The following TBX15 variants were observed in gnomAD, a reference collection of about 807,000 sequenced individuals.
TBX15 encodes T-box transcription factor TBX15.
In TBX15, 18 loss-of-function variants were observed where a neutral mutation model predicts 53.9. The observed-to-expected ratio is 0.33, with a 90% confidence interval of 0.23 to 0.49. The LOEUF is 0.49. Ranked by LOEUF, TBX15 falls within the 20% of genes least tolerant of loss-of-function variation. The probability of loss-of-function intolerance (pLI) is 0.98; values close to 1 mark genes in which losing one functional copy is unlikely to be tolerated. For synonymous variants in TBX15, 295 were observed against 278.0 expected (o/e 1.06, Z -0.61); for missense variants, 692 against 749.5 (o/e 0.92, Z 0.90).
chr1:118,983,265 C>T (rs1657704792), intron 1 of TBX15, among the ~76,000 whole-genome samples: 1 of 152,212 alleles, frequency 6.6e-6, no homozygotes, highest in South Asian at 2.1e-4. Flanking sequence ...TTTTCCCATT[C>T]TCTGAACTTC....
chr1:118,924,763 C>A lies in TBX15; in HGVS notation c.576G>T (p.Val192=), dbSNP rs774248393. 1.2e-5 allele frequency: 19 copies of A among 1,614,012 alleles called. No individual in the cohort carries two copies. Among genetic ancestry groups the A allele is most frequent in the Non-Finnish European group, 1.5e-5 (18 of 1,180,004 alleles). Residue 192 remains valine, a synonymous_variant, in exon 4 of 8, where the codon GTG becomes GTT. Transcript: ENST00000369429. ...WMVAGNADSP[V]PPRVYIHPDS... ...CAGGGTGTATATAAACTCTTGGGGGCACAGGGGAATCAGCATTGCCAGCCA... is the reference window on the plus strand; with the variant it reads ...CAGGGTGTATATAAACTCTTGGGGGAACAGGGGAATCAGCATTGCCAGCCA...
At chr1:118,900,785 C>A (rs374126838) in intron 6 of TBX15, among the ~76,000 whole-genome samples, 1 of 152,170 alleles carries the variant, frequency 6.6e-6, no homozygotes, top group East Asian at 1.9e-4. Context: ...TAAAGCCACA[C>A]TGAGCCTGGA....
At chr1:118,977,115 C>G (rs1472045412) in intron 1 of TBX15, among the ~76,000 whole-genome samples, 4 of 152,168 alleles carry the variant, frequency 2.6e-5, no homozygotes, top group Admixed American at 6.5e-5. Flanking sequence ...TGCCCAAGGT[C>G]ATACAACTAG....
intron 6 of TBX15, among the ~76,000 whole-genome samples, chr1:118,900,173 G>C (rs1018868888): frequency 6.6e-6 from 1 of 152,130 alleles, no homozygotes; most frequent in Non-Finnish European, 1.5e-5. Flanking sequence ...GGACCTGTGA[G>C]AAAGGTGGGA....
intron 1 of TBX15, 70 bp downstream of exon 1, chr1:118,987,521 C>T: frequency 1.3e-6 from 2 of 1,493,714 alleles, no homozygotes; most frequent in South Asian, 1.3e-5. Flanking sequence ...GCTCCTCACC[C>T]GCGACCGGCG....
At chr1:118,973,709 G>A (rs1369156149) in intron 1 of TBX15, among the ~76,000 whole-genome samples, 1 of 151,864 alleles carries the variant, frequency 6.6e-6, no homozygotes, top group Non-Finnish European at 1.5e-5. Flanking sequence ...GCAGGCTAGG[G>A]AACTGTTACA....
At chr1:118,973,215 G>A (rs1299107338) in intron 1 of TBX15, among the ~76,000 whole-genome samples, 1 of 152,186 alleles carries the variant, frequency 6.6e-6, no homozygotes, top group Non-Finnish European at 1.5e-5. Context: ...TGTGTTCAAA[G>A]TCACAGCCAG....
At chr1:118,910,265 T>A (rs1458982224) in intron 6 of TBX15, among the ~76,000 whole-genome samples, 5 of 152,194 alleles carry the variant, frequency 3.3e-5, no homozygotes, top group Non-Finnish European at 5.9e-5. Flanking sequence ...TCCCTCCTAA[T>A]TTTTAAGCCC....
At chr1:118,909,598 T>G (rs888457980) in intron 6 of TBX15, among the ~76,000 whole-genome samples, 4 of 152,222 alleles carry the variant, frequency 2.6e-5, no homozygotes, top group African/African-American at 9.6e-5. Flanking sequence ...CTTTTTCTTC[T>G]TTGAGACGGA....
intron 1 of TBX15, among the ~76,000 whole-genome samples, chr1:118,987,338 A>C (rs758967348): frequency 6.6e-6 from 1 of 152,212 alleles, no homozygotes; most frequent in South Asian, 2.1e-4. Flanking sequence ...TCTCCACCCA[A>C]AAGAAAAAGA....
intron 1 of TBX15, among the ~76,000 whole-genome samples, chr1:118,972,868 G>C (rs1345403286): frequency 6.6e-6 from 1 of 152,146 alleles, no homozygotes; most frequent in African/African-American, 2.4e-5. Flanking sequence ...CCAAAGTGCT[G>C]GGATTACAGG....
chr1:118,899,274 C>A, intron 6 of TBX15, 149 bp from the exon 7 acceptor site: 2 of 748,316 alleles, frequency 2.7e-6, no homozygotes, highest in South Asian at 1.5e-5. Flanking sequence ...TGAAAAAACT[C>A]AAGGTACAAT....
intron 5 of TBX15, among the ~76,000 whole-genome samples, chr1:118,915,515 C>T (rs1267400676): frequency 1.3e-5 from 2 of 152,180 alleles, no homozygotes; most frequent in Non-Finnish European, 2.9e-5. Context: ...TTATGCAGCA[C>T]CAACAATGTA....
chr1:118,969,506 A>G (rs945410664), intron 1 of TBX15, among the ~76,000 whole-genome samples: 26 of 152,212 alleles, frequency 1.7e-4, no homozygotes, highest in African/African-American at 6.3e-4. Flanking sequence ...CTTCAGAGGC[A>G]TCAAATTGGG....
At chr1:118,893,266 GGAA>G (rs1654218425) in intron 7 of TBX15, among the ~76,000 whole-genome samples, 1 of 118,564 alleles carries the variant, frequency 8.4e-6, no homozygotes, top group African/African-American at 3.4e-5. Flanking sequence ...AAGAAAGAAA[GGAA>G]GAAGGAAGGA....
chr1:118,890,453 A>T lies in TBX15; in HGVS notation c.1025-4937T>A, dbSNP rs186550091. The stretch of plus-strand genomic sequence containing the variant: ...CTGTAGCATCTGTAGGATCTGTAGG[A>T]TCAATCTCCTACAGCACCAGCTCCC... On this transcript the variant is annotated intron_variant, in intron 7 of 7. Transcript: ENST00000369429. Among the ~76,000 whole-genome samples the T allele has an allele frequency of 3.3e-4, 50 of 152,244 alleles. 1 individual carries two copies. Among genetic ancestry groups the T allele is most frequent in the Admixed American group, 2.0e-3 (30 of 15,294 alleles).
chr1:118,905,805 A>G (rs929447411), intron 6 of TBX15, among the ~76,000 whole-genome samples: 1 of 152,220 alleles, frequency 6.6e-6, no homozygotes, highest in African/African-American at 2.4e-5. Flanking sequence ...TGAGATAGAC[A>G]CTTGAGATGT....
intron 1 of TBX15, 103 bp downstream of exon 1, chr1:118,987,488 C>T: frequency 7.5e-7 from 1 of 1,333,446 alleles, no homozygotes; most frequent in East Asian, 2.5e-5. Flanking sequence ...TGGGGCAAGG[C>T]AGGGCGTCAA....
chr1:118,943,065 T>G (rs996153601), intron 1 of TBX15, among the ~76,000 whole-genome samples: 1 of 152,196 alleles, frequency 6.6e-6, no homozygotes, highest in Non-Finnish European at 1.5e-5. Flanking sequence ...TTAACCTTTC[T>G]GAGCCAATTT....
Sources: allele counts gnomAD v4.1 joint callset (sites outside exome capture counted in the v4.1 genomes callset), GRCh38; gene constraint gnomAD v4.1.1; transcripts MANE v1.5; gene names NCBI Gene and HGNC (gene_info 2026-07-23, HGNC 2026-07-21).